Variants in LARP1B observed in about 807,000 individuals in gnomAD.
The protein encoded by LARP1B is La ribonucleoprotein 1B, also known as la-related protein 1B.
Under a neutral mutation model 114.2 loss-of-function variants are expected in LARP1B, and 76 were observed. The ratio of observed to expected loss-of-function variants is 0.67; its 90% CI spans 0.55 to 0.81. LARP1B has a LOEUF of 0.81. Ranked by LOEUF, LARP1B falls within the 30% of genes least tolerant of loss-of-function variation. The pLI, the probability that LARP1B is intolerant of heterozygous loss-of-function variation, is 0.00. For synonymous variants in LARP1B, 345 were observed against 348.0 expected, an observed-to-expected ratio of 0.99 and a Z score of 0.10; for missense variants, 1,014 against 1,075.8, an observed-to-expected ratio of 0.94 and a Z score of 0.80.
At chr4:128,078,076 C>T (rs1768704222) in intron 4 of LARP1B, 114 bp downstream of exon 4, 1 of 690,928 alleles carries the variant, frequency 1.4e-6, no homozygotes, top group East Asian at 3.0e-5. Flanking sequence ...TGTATTTCTT[C>T]AGGATAAACA....
chr4:128,123,897 A>G (rs2150030509), intron 11 of LARP1B: 1 of 158,716 alleles, frequency 6.3e-6, no homozygotes, highest in Non-Finnish European at 1.4e-5. Flanking sequence ...TTCATTAAAT[A>G]TTAACGGAAA....
At chr4:128,140,483 A>G (rs1360843745) in intron 11 of LARP1B, among the ~76,000 whole-genome samples, 3 of 152,206 alleles carry the variant, frequency 2.0e-5, no homozygotes, top group East Asian at 3.8e-4. Flanking sequence ...TTTTAGGTAC[A>G]CTTAACGTAT....
At chr4:128,114,861 T>G in intron 10 of LARP1B, 119 bp downstream of exon 10, 1 of 791,588 alleles carries the variant, frequency 1.3e-6, no homozygotes, top group Non-Finnish European at 2.0e-6. Context: ...AATTTTAACT[T>G]TGTAATTGTT....
intron 11 of LARP1B, among the ~76,000 whole-genome samples, chr4:128,139,916 TCCACC>T (rs1205301867): frequency 2.0e-5 from 3 of 151,584 alleles, no homozygotes. Flanking sequence ...TATGCTATGA[TCCACC>T]ATTTCCACTC....
At chr4:128,170,391 A>AT (rs1456849281) in intron 12 of LARP1B, among the ~76,000 whole-genome samples, 5 of 152,096 alleles carry the variant, frequency 3.3e-5, no homozygotes, top group African/African-American at 9.7e-5. Flanking sequence ...ATCTTTGCTG[A>AT]TTTTTTGTCT....
Position 128,200,631 on chromosome 4 carries a change from C to A in LARP1B, c.2275C>A (p.Gln759Lys). The A allele has an allele frequency of 6.3e-7, 1 of 1,585,532 alleles. No individual in the cohort carries two copies. ...FNKKMYEEFR[Q>K]LAWEDAKENY... ...TAAAAAAATGTATGAGGAATTTAGA[C>A]AACTTGCTTGGGAAGATGCAAAAGA... Residue 759 changes from glutamine to lysine, a missense_variant, in exon 17 of 20, where the codon CAA (glutamine) becomes AAA (lysine). Gln to Lys is a moderately conservative substitution (Grantham distance 53). Transcript: ENST00000326639.
intron 8 of LARP1B, 106 bp downstream of exon 8, chr4:128,098,436 T>C (rs1778839762): frequency 1.1e-6 from 1 of 886,174 alleles, no homozygotes; most frequent in South Asian, 1.9e-5. Flanking sequence ...CTGTAGTTGC[T>C]TGAGGCTCAG....
chr4:128,200,427 A>G, intron 16 of LARP1B, 94 bp from the exon 17 acceptor site: 1 of 819,712 alleles, frequency 1.2e-6, no homozygotes, highest in Non-Finnish European at 1.8e-6. Flanking sequence ...GAGGATTAAT[A>G]TGGTTGAGCT....
chr4:128,197,007 CAG>C (rs1013152588), intron 15 of LARP1B, among the ~76,000 whole-genome samples: 11 of 151,948 alleles, frequency 7.2e-5, no homozygotes, highest in African/African-American at 2.7e-4. Context: ...AATTTATAGA[CAG>C]AAAGTAGAAT....
chr4:128,189,202 G>C (rs780346808), intron 15 of LARP1B, among the ~76,000 whole-genome samples: 2 of 141,322 alleles, frequency 1.4e-5, no homozygotes, highest in Non-Finnish European at 3.0e-5. Context: ...TTTTTAAATT[G>C]TTACAGCCTC....
intron 11 of LARP1B, among the ~76,000 whole-genome samples, chr4:128,141,640 A>G (rs1728132960): frequency 6.6e-6 from 1 of 152,206 alleles, no homozygotes; most frequent in Non-Finnish European, 1.5e-5. Context: ...GGTGGCCTAA[A>G]CATCAGTTCC....
chr4:128,112,965 A>G (rs1272771069), intron 9 of LARP1B, among the ~76,000 whole-genome samples: 1 of 152,196 alleles, frequency 6.6e-6, no homozygotes, highest in East Asian at 1.9e-4. Context: ...AAATCTTGAA[A>G]TACTCTTCTT....
rs568197117 is a variant in LARP1B at position 128,073,572 on chromosome 4, G to GTTTTTTTTTTTTTTTT, written c.-77-866_-77-851dup. ...AATTTTCTCCTGTTATATTGTTGTCGTTTTTTTTTTTTTTTTTTTTTTTTT... is the reference window on the plus strand; with the variant it reads ...AATTTTCTCCTGTTATATTGTTGTCGTTTTTTTTTTTTTTTTTTTTTTTTTTTTTTTTTTTTTTTTT... On this transcript the variant is annotated intron_variant, in intron 1 of 19. Transcript: ENST00000326639. 5.0e-4 allele frequency among the ~76,000 whole-genome samples: 20 copies of GTTTTTTTTTTTTTTTT among 39,996 alleles called. 7 individuals are homozygous for GTTTTTTTTTTTTTTTT. The East Asian group carries it at 5.6e-3, about 11-fold the overall frequency. 26.2% of individuals were successfully genotyped at this position (39,996 alleles called of 152,430 possible). A position where few individuals can be genotyped will look rare whatever the true frequency, so the allele number is the denominator to read the frequency against.
At chr4:128,167,605 C>CT (rs1207875591) in intron 12 of LARP1B, among the ~76,000 whole-genome samples, 1 of 151,904 alleles carries the variant, frequency 6.6e-6, no homozygotes, top group African/African-American at 2.4e-5. Flanking sequence ...GCTTTTGTTG[C>CT]CTGAGCTTTG....
At chr4:128,219,480 T>G (rs1317783984) in intron 6 of LARP1B, among the ~76,000 whole-genome samples, 1 of 76,108 alleles carries the variant, frequency 1.3e-5, no homozygotes. Flanking sequence ...AAATGATGAG[T>G]TCATGTCCTT....
At chr4:128,120,386 A>C (rs1384913815) in intron 10 of LARP1B, among the ~76,000 whole-genome samples, 2 of 152,174 alleles carry the variant, frequency 1.3e-5, no homozygotes, top group Non-Finnish European at 2.9e-5. Flanking sequence ...AAACTAGTTT[A>C]CATGTTATAA....
chr4:128,196,210 C>T (rs1754007602), intron 15 of LARP1B, among the ~76,000 whole-genome samples: 4 of 131,564 alleles, frequency 3.0e-5, no homozygotes, highest in Admixed American at 1.8e-4. Context: ...GAGATCATGT[C>T]ACTACACTTC....
chr4:128,198,032 A>C (rs1039415404), intron 15 of LARP1B, among the ~76,000 whole-genome samples: 1 of 151,606 alleles, frequency 6.6e-6, no homozygotes, highest in Non-Finnish European at 1.5e-5. Context: ...TTACAGGTAC[A>C]TGCCACCACG....
At chr4:128,091,193 T>C in intron 6 of LARP1B, 49 bp downstream of exon 6, 3 of 1,591,684 alleles carry the variant, frequency 1.9e-6, no homozygotes, top group Non-Finnish European at 2.6e-6. Context: ...TTGAAAAAAA[T>C]AGAGCAACTA....
Sources: gnomAD v4.1 joint callset for allele counts (sites outside exome capture counted in the v4.1 genomes callset) on GRCh38, gnomAD v4.1.1 for gene constraint, MANE v1.5 for transcripts, NCBI Gene and HGNC (gene_info 2026-07-23, HGNC 2026-07-21) for gene names.